SNTG1: variants seen among roughly 807,000 people sequenced by gnomAD.
The protein encoded by SNTG1 is gamma-1-syntrophin.
A neutral mutation model predicts 74.7 loss-of-function variants in SNTG1; 39 were observed. That is an observed-to-expected ratio of 0.52 (90% CI 0.40 to 0.68). SNTG1 has a LOEUF of 0.68. SNTG1 is among the 30% of genes least tolerant of loss of function. The pLI is 0.00. For missense variants in SNTG1, 685 were observed against 609.5 expected (o/e 1.12, Z -1.30); for synonymous variants, 254 against 217.1 (o/e 1.17, Z -1.49).
chr8:50,355,489 T>C (rs1044048946), intron 2 of SNTG1, among the ~76,000 whole-genome samples: 4 of 152,200 alleles, frequency 2.6e-5, no homozygotes, highest in Non-Finnish European at 4.4e-5. Context: ...TGTGAACTTC[T>C]TTATATATTC....
intron 4 of SNTG1, among the ~76,000 whole-genome samples, chr8:50,410,093 A>G (rs970599601): frequency 4.6e-5 from 7 of 152,346 alleles, no homozygotes; most frequent in African/African-American, 1.4e-4. Flanking sequence ...AATATCTACT[A>G]TTAACCTTGG....
chr8:50,631,489 C>T (rs886413870), intron 13 of SNTG1, among the ~76,000 whole-genome samples: 2 of 152,116 alleles, frequency 1.3e-5, no homozygotes, highest in Non-Finnish European at 2.9e-5. Context: ...GTTTTTAACA[C>T]TTGATTGACC....
At chr8:50,231,896 T>G (rs936148533) in intron 2 of SNTG1, among the ~76,000 whole-genome samples, 3 of 151,420 alleles carry the variant, frequency 2.0e-5, no homozygotes, top group African/African-American at 7.2e-5. Context: ...TAGTTGCATA[T>G]TTGAAGTGAT....
chr8:50,703,448 T>C, intron 15 of SNTG1, among the ~76,000 whole-genome samples: 1 of 152,140 alleles, frequency 6.6e-6, no homozygotes, highest in African/African-American at 2.4e-5. Flanking sequence ...ATAACACGCA[T>C]GGAGCTGTCA....
intron 18 of SNTG1, among the ~76,000 whole-genome samples, chr8:50,771,271 C>G (rs1410239757): frequency 6.6e-6 from 1 of 152,080 alleles, no homozygotes; most frequent in East Asian, 1.9e-4. Flanking sequence ...ATTATGTGGT[C>G]AGGACCAAAA....
intron 13 of SNTG1, among the ~76,000 whole-genome samples, chr8:50,653,651 C>G (rs185488307): frequency 2.2e-4 from 33 of 152,152 alleles, no homozygotes; most frequent in Admixed American, 2.1e-3. Context: ...ATTTCACTAA[C>G]GTAGTTACTT....
chr8:50,047,638 A>G (rs1432141881), intron 1 of SNTG1, among the ~76,000 whole-genome samples: 1 of 152,190 alleles, frequency 6.6e-6, no homozygotes, highest in Non-Finnish European at 1.5e-5. Flanking sequence ...CTTAAACAAA[A>G]TAACTGTCAT....
intron 1 of SNTG1, among the ~76,000 whole-genome samples, chr8:50,015,843 G>C (rs1042910311): frequency 6.6e-6 from 1 of 152,116 alleles, no homozygotes; most frequent in African/African-American, 2.4e-5. Flanking sequence ...AAATGGTTGG[G>C]CTGCTTGAAG....
At chr8:50,603,773 G>A (rs1224109373) in intron 13 of SNTG1, among the ~76,000 whole-genome samples, 1 of 152,102 alleles carries the variant, frequency 6.6e-6, no homozygotes, top group Non-Finnish European at 1.5e-5. Context: ...GAATTATCTG[G>A]TTTTCAGAAA....
chr8:50,289,322 G>A (rs550511803), intron 2 of SNTG1, among the ~76,000 whole-genome samples: 2 of 152,198 alleles, frequency 1.3e-5, no homozygotes, highest in African/African-American at 2.4e-5. Context: ...AGTTATCACC[G>A]AATAGAATGC....
At chr8:50,001,529 T>C (rs969133831) in intron 1 of SNTG1, among the ~76,000 whole-genome samples, 2 of 152,190 alleles carry the variant, frequency 1.3e-5, no homozygotes, top group African/African-American at 4.8e-5. Context: ...TCATCATCTA[T>C]TGTCTTACAT....
At chr8:50,422,768 AAT>A (rs975846299) in intron 4 of SNTG1, among the ~76,000 whole-genome samples, 1 of 152,154 alleles carries the variant, frequency 6.6e-6, no homozygotes, top group Admixed American at 6.6e-5. Context: ...TAGGTTTGAC[AAT>A]AGTGATGTTA....
chr8:50,325,407 G>A (rs2090705189), intron 2 of SNTG1, among the ~76,000 whole-genome samples: 1 of 151,912 alleles, frequency 6.6e-6, no homozygotes, highest in Non-Finnish European at 1.5e-5. Flanking sequence ...AAGTTTCATA[G>A]TTTTTCTAAT....
chr8:50,656,130 A>C (rs2095178903), intron 13 of SNTG1, among the ~76,000 whole-genome samples: 1 of 152,182 alleles, frequency 6.6e-6, no homozygotes, highest in Non-Finnish European at 1.5e-5. Context: ...AGTGGGAGGT[A>C]TATCCTCCCG....
chr8:50,047,250 G>T, intron 1 of SNTG1, among the ~76,000 whole-genome samples: 1 of 151,876 alleles, frequency 6.6e-6, no homozygotes, highest in African/African-American at 2.4e-5. Flanking sequence ...GAGGTGAAAG[G>T]AATGCTTGAG....
intron 2 of SNTG1, among the ~76,000 whole-genome samples, chr8:50,389,024 C>T (rs1241537400): frequency 1.3e-5 from 2 of 152,080 alleles, no homozygotes; most frequent in South Asian, 2.1e-4. Flanking sequence ...CTGTGTGTGT[C>T]ACTTTAAGGC....
chr8:50,712,478 C>T (rs1012803324), intron 17 of SNTG1, among the ~76,000 whole-genome samples: 8 of 152,102 alleles, frequency 5.3e-5, no homozygotes, highest in Non-Finnish European at 1.0e-4. Flanking sequence ...TTTTTAGATT[C>T]TTTTTCTTAT....
chr8:50,208,257 G>A (rs568782119), intron 2 of SNTG1, among the ~76,000 whole-genome samples: 7 of 152,210 alleles, frequency 4.6e-5, no homozygotes, highest in South Asian at 4.2e-4. Flanking sequence ...CTCCTATATT[G>A]GGTGCATATA....
intron 2 of SNTG1, among the ~76,000 whole-genome samples, chr8:50,359,203 A>G (rs1288517764): frequency 6.6e-6 from 1 of 152,164 alleles, no homozygotes; most frequent in Non-Finnish European, 1.5e-5. Context: ...CTTTGTGCTC[A>G]GTCTTCCTCT....
Sources: allele counts gnomAD v4.1 joint callset (sites outside exome capture counted in the v4.1 genomes callset), GRCh38; gene constraint gnomAD v4.1.1; transcripts MANE v1.5; gene names NCBI Gene and HGNC (gene_info 2026-07-23, HGNC 2026-07-21).